PDGFB: variants seen among roughly 807,000 people sequenced by gnomAD.
PDGFB encodes the protein platelet-derived growth factor subunit B.
A neutral mutation model predicts 29.0 loss-of-function variants in PDGFB; 6 were observed. That is an observed-to-expected ratio of 0.21 (90% CI 0.11 to 0.41). PDGFB has a LOEUF of 0.41. PDGFB is among the 10% of genes least tolerant of loss of function. PDGFB has a pLI of 1.00. For synonymous variants in PDGFB, 144 were observed against 140.8 expected, an observed-to-expected ratio of 1.02 and a Z score of -0.16; for missense variants, 299 against 341.8, an observed-to-expected ratio of 0.87 and a Z score of 0.99.
rs758163551 is a variant in PDGFB, at chr22:39,231,858, GTAGGCCTGTCCAGAGTCC to G, written c.251-49_251-32del. On this transcript the variant is annotated intron_variant, in intron 3 of 6. Transcript: ENST00000331163. The surrounding 1 kb of genome is among the most constrained non-coding windows in gnomAD (Gnocchi z 4.3). ...AGGAGACGAAACCTGGGTCAGGAGC[GTAGGCCTGTCCAGAGTCC>G]CCCCACTTGGCAGGGGAGCTCAGCG... 2.0e-5 allele frequency: 32 copies of G among 1,589,948 alleles called. No individual in the cohort carries two copies. Among genetic ancestry groups the G allele is most frequent in the Middle Eastern group, 1.7e-4 (1 of 5,980 alleles).
intron 2 of PDGFB, 131 bp downstream of exon 2, chr22:39,235,647 G>A (rs1285603807): frequency 5.7e-5 from 38 of 670,892 alleles, no homozygotes; most frequent in Middle Eastern, 2.4e-4. Flanking sequence ...GTGTGGCCAC[G>A]CTCTCTCTGG....
chr22:39,230,613 G>C (rs998318586), intron 4 of PDGFB, among the ~76,000 whole-genome samples: 1 of 152,214 alleles, frequency 6.6e-6, no homozygotes, highest in African/African-American at 2.4e-5. Flanking sequence ...TCATCTAGGA[G>C]GGAGGTGGGA....
chr22:39,237,067 C>T (rs1169279791), intron 1 of PDGFB, among the ~76,000 whole-genome samples: 3 of 152,126 alleles, frequency 2.0e-5, no homozygotes, highest in Non-Finnish European at 2.9e-5. Context: ...CAGAGGGGGT[C>T]GGTGCAGGCT....
rs374727060 is a variant in PDGFB at position 39,231,814 on chromosome 22, A to G, written c.264T>C (p.Ile88=). The change falls in exon 4 of 7, where the codon ATT becomes ATC. Residue 88 remains isoleucine (I), a synonymous_variant. Coordinates refer to ENST00000331163, the MANE Select transcript of PDGFB (RefSeq NM_002608.4). This position sits in a 1 kb window ranked among gnomAD's most constrained non-coding sequence, Gnocchi z 4.3. The stretch of plus-strand genomic sequence containing the variant: ...ACTCGGCGATCATGGCCGGCTCAGC[A>G]ATGGTCAGGGAACCTGGGAGGAGAC... ...RGRRSLGSLT[I]AEPAMIAECK... is the part of the protein sequence containing the mutation. The G allele has an allele frequency of 1.2e-5, 19 of 1,613,090 alleles. No individual in the cohort carries two copies. The South Asian group carries it at 1.6e-4, about 14-fold the overall frequency.
chr22:39,228,574 T>C (rs987550427), intron 5 of PDGFB, among the ~76,000 whole-genome samples: 2 of 150,872 alleles, frequency 1.3e-5, no homozygotes, highest in Admixed American at 6.6e-5. Flanking sequence ...GCCTGGGTGA[T>C]GGAGAGAGAC....
In PDGFB at chr22:39,231,917, GCT is replaced by G. The variant is rs1184055734; in HGVS notation, c.251-92_251-91del. The G allele has an allele frequency of 1.8e-6, 2 of 1,087,406 alleles. No individual in the cohort carries two copies. Among genetic ancestry groups the G allele is most frequent in the African/African-American group, 3.1e-5 (2 of 64,168 alleles). The allele number at this position is 1,087,406 out of a possible 1,614,324, so 67.4% of individuals were successfully genotyped here. A position where few individuals can be genotyped will look rare whatever the true frequency, so the allele number is the denominator to read the frequency against. ...GAGCTCAGCGGGTGCCTCCGGGACT[GCT>G]CTTTCTCACGCCCTTCAACCCCAGG... On this transcript the variant is annotated intron_variant, in intron 3 of 6. Coordinates refer to ENST00000331163, the MANE Select transcript of PDGFB (RefSeq NM_002608.4). This position sits in a 1 kb window ranked among gnomAD's most constrained non-coding sequence, Gnocchi z 4.3.
Position 39,225,834 on chromosome 22 carries a change from T to G in PDGFB, c.615A>C (p.Gln205His), listed in dbSNP as rs1234152112. The G allele has an allele frequency of 6.2e-7, 1 of 1,612,140 alleles. No individual in the cohort carries two copies. Among genetic ancestry groups the G allele is most frequent in the Non-Finnish European group, 8.5e-7 (1 of 1,178,544 alleles). The change falls in exon 6 of 7, where the codon CAA becomes CAC. Residue 205 changes from glutamine to histidine, a missense_variant. Physicochemically the swap from Gln to His is conservative, Grantham distance 24 (BLOSUM62 0). Transcript: ENST00000331163. Reference sequence around the variant, plus strand: ...GCACCGTCCGAATGGTCACCCGAGTTTGGGGCGTTTTGGCTGCACAAGAAA... The same window carrying G: ...GCACCGTCCGAATGGTCACCCGAGTGTGGGGCGTTTTGGCTGCACAAGAAA... ...GSQEQRAKTP[Q>H]TRVTIRTVRV...
rs1932585267 is a variant in PDGFB at position 39,242,272 on chromosome 22, C to A, written c.63+1629G>T. 4.7e-6 allele frequency: 1 copy of A among 211,500 alleles called. No homozygotes were observed. Among genetic ancestry groups the A allele is most frequent in the Non-Finnish European group, 9.6e-6 (1 of 104,342 alleles). 13.1% of individuals were successfully genotyped at this position (211,500 alleles called of 1,614,324 possible). A position where few individuals can be genotyped will look rare whatever the true frequency, so the allele number is the denominator to read the frequency against. ...CGCCCGCCGGAGCGCAGCATCGCCT[C>A]CGGCCAGGAGTGTGCATGCGTGGGG... On this transcript the variant is annotated intron_variant, in intron 1 of 6. Transcript: ENST00000331163. This position sits in a 1 kb window ranked among gnomAD's most constrained non-coding sequence, Gnocchi z 5.7.
chr22:39,237,612 C>A (rs970976291), intron 1 of PDGFB, among the ~76,000 whole-genome samples: 1 of 152,208 alleles, frequency 6.6e-6, no homozygotes, highest in African/African-American at 2.4e-5. Context: ...AGAGAGACCA[C>A]GCCTCCGGTG....
rs141576265 is a variant in PDGFB at position 39,231,792 on chromosome 22, C to G, written c.286G>C (p.Glu96Gln). Residue 96 changes from glutamate to glutamine, a missense_variant, in exon 4 of 7, where the codon GAG becomes CAG. Physicochemically the swap from Glu to Gln is conservative, Grantham distance 29. Coordinates refer to ENST00000331163, the MANE Select transcript of PDGFB (RefSeq NM_002608.4). The surrounding 1 kb of genome is among the most constrained non-coding windows in gnomAD (Gnocchi z 4.3). Reference sequence around the variant, plus strand: ...AACACCTCGGTGCGCGTCTTGCACTCGGCGATCATGGCCGGCTCAGCAATG... The same window carrying G: ...AACACCTCGGTGCGCGTCTTGCACTGGGCGATCATGGCCGGCTCAGCAATG... ...LTIAEPAMIA[E>Q]CKTRTEVFEI... The G allele has an allele frequency of 1.2e-6, 2 of 1,613,570 alleles. No homozygotes were observed. The highest frequency in any genetic ancestry group is 2.7e-5 in the African/African-American group (2 of 74,922).
At chr22:39,240,803 A>G in intron 1 of PDGFB, 2 of 1,601,448 alleles carry the variant, frequency 1.2e-6, no homozygotes, top group Admixed American at 3.3e-5. Context: ...GTTGTCACAG[A>G]AGAGGCTCCT....
Position 39,243,240 on chromosome 22 carries a change from GTCTCTCTCTCCGTCTCTCTC to G in PDGFB, c.63+641_63+660del, listed in dbSNP as rs1569140964. 6.9e-6 allele frequency among the ~76,000 whole-genome samples: 1 copy of G among 143,952 alleles called. No homozygotes were observed. The highest frequency in any genetic ancestry group is 2.6e-5 in the African/African-American group (1 of 38,990). The allele number at this position is 143,952 out of a possible 152,430, so 94.4% of individuals were successfully genotyped here. On this transcript the variant is annotated intron_variant, in intron 1 of 6. Transcript: ENST00000331163. This position sits in a 1 kb window ranked among gnomAD's most constrained non-coding sequence, Gnocchi z 6.4. ...TATCTTTCTCTCCCTCTCTCTCTCCGTCTCTCTCTCCGTCTCTCTCTCTCTCTCTCTCTTTCTCTCTCTCT... is the reference window on the plus strand; with the variant it reads ...TATCTTTCTCTCCCTCTCTCTCTCCGTCTCTCTCTCTCTTTCTCTCTCTCT...
intron 5 of PDGFB, among the ~76,000 whole-genome samples, chr22:39,228,706 T>C (rs899433376): frequency 2.0e-5 from 3 of 152,040 alleles, no homozygotes; most frequent in African/African-American, 4.8e-5. Flanking sequence ...CTGGCCAACA[T>C]GGTGAAACCC....
chr22:39,238,244 TGAA>T (rs1475676033), intron 1 of PDGFB, among the ~76,000 whole-genome samples: 1 of 152,164 alleles, frequency 6.6e-6, no homozygotes, highest in Non-Finnish European at 1.5e-5. Context: ...GTCAAATGCA[TGAA>T]GGAGTCTACC....
rs552263110 is a variant in PDGFB, at chr22:39,237,387, C to T, written c.64-1513G>A. ...TGTTTGAACATGGAGCTTACAACTC[C>T]GCCCAATGTCTAAGGGCTGCTGGGC... On this transcript the variant is annotated intron_variant, in intron 1 of 6. Coordinates refer to ENST00000331163, the MANE Select transcript of PDGFB (RefSeq NM_002608.4). Among the ~76,000 whole-genome samples, 95 of 152,286 alleles carry T rather than the reference C, an allele frequency of 6.2e-4. 2 individuals carry two copies. The South Asian group carries it at 0.019, about 31-fold the overall frequency.
chr22:39,225,959 A>C, intron 5 of PDGFB, 112 bp from the exon 6 acceptor site: 2 of 1,265,032 alleles, frequency 1.6e-6, no homozygotes, highest in Non-Finnish European at 1.1e-6. Flanking sequence ...ACAGGAGGGG[A>C]ATCTGGACCA....
At chr22:39,241,323 G>C (rs1269097810) in intron 1 of PDGFB, among the ~76,000 whole-genome samples, 1 of 152,190 alleles carries the variant, frequency 6.6e-6, no homozygotes, top group Non-Finnish European at 1.5e-5. Flanking sequence ...CCACCAGCAG[G>C]CCTGCCCTGA....
rs1243930666 is a variant in PDGFB, at chr22:39,242,183, C to T, written c.63+1718G>A. The T allele has an allele frequency of 2.8e-5, 6 of 213,498 alleles. No homozygotes were observed. Among genetic ancestry groups the T allele is most frequent in the Non-Finnish European group, 5.7e-5 (6 of 105,604 alleles). 13.2% of individuals were successfully genotyped at this position (213,498 alleles called of 1,614,324 possible). ...CGCGCGCGTGTGTCCCGCGTGTGCA[C>T]GGGCGTGGCAGAGGCGGGCGCGCGA... On this transcript the variant is annotated intron_variant, in intron 1 of 6. Transcript: ENST00000331163. The surrounding 1 kb of genome is among the most constrained non-coding windows in gnomAD (Gnocchi z 5.7).
chr22:39,225,616 C>A, intron 6 of PDGFB, 79 bp downstream of exon 6: 1 of 1,361,326 alleles, frequency 7.3e-7, no homozygotes, highest in South Asian at 1.4e-5. Flanking sequence ...TGGAAAAATC[C>A]TTTCCCCTGA....
Sources: gnomAD v4.1 joint callset for allele counts (sites outside exome capture counted in the v4.1 genomes callset) on GRCh38, gnomAD v4.1.1 for gene constraint, Gnocchi (gnomAD v3.1) non-coding constraint, MANE v1.5 for transcripts, NCBI Gene and HGNC (gene_info 2026-07-23, HGNC 2026-07-21) for gene names.